The following PRKN variants were observed in gnomAD, a reference collection of about 807,000 sequenced individuals.
The protein encoded by PRKN is parkin RBR E3 ubiquitin protein ligase.
PRKN carries 56 observed loss-of-function variants against 59.5 expected under a neutral mutation model. The observed-to-expected ratio is 0.94, with a 90% CI of 0.76 to 1.18. The LOEUF (loss-of-function observed/expected upper bound fraction) is 1.18, where lower values mean the gene tolerates loss of function less well. Ranked by LOEUF, PRKN falls within the 50% of genes most tolerant of loss-of-function variation. PRKN has a pLI of 0.00. For synonymous variants in PRKN, 250 were observed against 222.1 expected (o/e 1.13, Z -1.12); for missense variants, 657 against 596.4 (o/e 1.10, Z -1.06).
At chr6:162,009,764 C>T (rs1339133952) in intron 5 of PRKN, among the ~76,000 whole-genome samples, 1 of 151,422 alleles carries the variant, frequency 6.6e-6, no homozygotes, top group Non-Finnish European at 1.5e-5. Flanking sequence ...AGCAAAACCC[C>T]ATCTCTACTA....
At chr6:162,554,614 G>C (rs935550417) in intron 1 of PRKN, among the ~76,000 whole-genome samples, 2 of 151,826 alleles carry the variant, frequency 1.3e-5, no homozygotes, top group African/African-American at 2.4e-5. Flanking sequence ...GAGGTTAACA[G>C]ATGACAGTGG....
chr6:162,357,524 T>C (rs750650061), intron 2 of PRKN, among the ~76,000 whole-genome samples: 2 of 152,186 alleles, frequency 1.3e-5, no homozygotes. Flanking sequence ...AAAAGAACTC[T>C]CATTCCTTCC....
At chr6:162,644,142 T>C (rs1437867198) in intron 1 of PRKN, among the ~76,000 whole-genome samples, 1 of 152,138 alleles carries the variant, frequency 6.6e-6, no homozygotes, top group African/African-American at 2.4e-5. Context: ...ACAAGTTGCC[T>C]GGAATCATAA....
At chr6:162,673,848 G>C (rs1779432220) in intron 1 of PRKN, among the ~76,000 whole-genome samples, 1 of 152,236 alleles carries the variant, frequency 6.6e-6, no homozygotes, top group Non-Finnish European at 1.5e-5. Flanking sequence ...GACTGCAAGT[G>C]TGGCGGAAGG....
chr6:162,712,292 T>C (rs1411329463), intron 1 of PRKN, among the ~76,000 whole-genome samples: 1 of 152,184 alleles, frequency 6.6e-6, no homozygotes, highest in Non-Finnish European at 1.5e-5. Context: ...TCCTGACTGC[T>C]CTTTTACCTG....
intron 4 of PRKN, among the ~76,000 whole-genome samples, chr6:162,153,447 C>A (rs146217625): frequency 1.3e-5 from 2 of 152,228 alleles, no homozygotes; most frequent in Non-Finnish European, 2.9e-5. Context: ...CTTAGGTCTG[C>A]TGTCAGCAGA....
chr6:162,248,057 A>G (rs1459731264), intron 3 of PRKN, among the ~76,000 whole-genome samples: 7 of 152,170 alleles, frequency 4.6e-5, no homozygotes, highest in Non-Finnish European at 7.4e-5. Flanking sequence ...GGCTCCCTGG[A>G]GAGAGGAGCT....
Position 161,700,269 on chromosome 6 carries a change from A to G in PRKN, c.871+85503T>C, listed in dbSNP as rs1786198794. Among the ~76,000 whole-genome samples the G allele has an allele frequency of 2.0e-5, 3 of 151,918 alleles. No homozygotes were observed. In the South Asian group the frequency reaches 6.2e-4, roughly 32 times the overall value. On this transcript the variant is annotated intron_variant, in intron 7 of 11. Coordinates refer to ENST00000366898, the MANE Select transcript of PRKN (RefSeq NM_004562.3). ...GGGGTCTTCTTATTAGAAGTTCTCT[A>G]TTTCTGGAAAACTTTCCTTCTAACC...
At chr6:162,427,791 G>C (rs939773389) in intron 2 of PRKN, among the ~76,000 whole-genome samples, 2 of 151,808 alleles carry the variant, frequency 1.3e-5, no homozygotes, top group Non-Finnish European at 2.9e-5. Flanking sequence ...GACTACAGGC[G>C]CCCCAGACCA....
chr6:161,637,569 T>C (rs375101761), intron 7 of PRKN, among the ~76,000 whole-genome samples: 23 of 152,214 alleles, frequency 1.5e-4, no homozygotes, highest in African/African-American at 5.5e-4. Context: ...GCCTTTCGTG[T>C]TTCTACAGAA....
At chr6:162,692,439 AT>A (rs1777812179) in intron 1 of PRKN, among the ~76,000 whole-genome samples, 1 of 152,146 alleles carries the variant, frequency 6.6e-6, no homozygotes, top group Admixed American at 6.5e-5. Flanking sequence ...TAACAATGTG[AT>A]TTATGGCAAA....
intron 6 of PRKN, among the ~76,000 whole-genome samples, chr6:161,886,554 G>C (rs1795154434): frequency 6.6e-6 from 1 of 152,030 alleles, no homozygotes; most frequent in African/African-American, 2.4e-5. Context: ...AAATTAGCCA[G>C]GCATGGTGGC....
intron 6 of PRKN, among the ~76,000 whole-genome samples, chr6:161,792,026 A>C (rs1790658878): frequency 6.6e-6 from 1 of 152,354 alleles, no homozygotes; most frequent in East Asian, 1.9e-4. Context: ...GGTGAAGTCC[A>C]TGTAGCAAGA....
intron 9 of PRKN, among the ~76,000 whole-genome samples, chr6:161,536,120 C>A (rs1779405242): frequency 1.3e-5 from 2 of 151,978 alleles, no homozygotes; most frequent in African/African-American, 4.8e-5. Context: ...TTCCTTTGGT[C>A]ATTATTAAGA....
intron 2 of PRKN, among the ~76,000 whole-genome samples, chr6:162,422,782 T>A (rs1025203447): frequency 6.6e-6 from 1 of 151,724 alleles, no homozygotes. Flanking sequence ...CTGTCTCTAC[T>A]AAAATACAAA....
At chr6:161,897,099 A>C (rs1317422565) in intron 6 of PRKN, among the ~76,000 whole-genome samples, 1 of 152,154 alleles carries the variant, frequency 6.6e-6, no homozygotes. Flanking sequence ...CACTGTCTCT[A>C]TCCCTTGGCC....
rs556807668 is a variant in PRKN at position 161,461,415 on chromosome 6, G to A, written c.1084-74538C>T. ...TTTAAGCTCTAGGGAATCACTTTAT[G>A]GGGGGTGTTATGAGCATATTTTATG... On this transcript the variant is annotated intron_variant, in intron 9 of 11. Coordinates refer to ENST00000366898, the MANE Select transcript of PRKN (RefSeq NM_004562.3). The surrounding 1 kb of genome is among the most constrained non-coding windows in gnomAD (Gnocchi z 5.1). 2.0e-5 allele frequency among the ~76,000 whole-genome samples: 3 copies of A among 152,106 alleles called. No homozygotes were observed. Among genetic ancestry groups the A allele is most frequent in the African/African-American group, 4.8e-5 (2 of 41,424 alleles).
intron 9 of PRKN, among the ~76,000 whole-genome samples, chr6:161,438,478 G>A (rs953339227): frequency 6.6e-6 from 1 of 151,906 alleles, no homozygotes; most frequent in Non-Finnish European, 1.5e-5. Context: ...AGCCTCCCAA[G>A]GTGCTGGGAT....
intron 7 of PRKN, among the ~76,000 whole-genome samples, chr6:161,626,948 C>G (rs996029641): frequency 6.6e-6 from 1 of 152,018 alleles, no homozygotes; most frequent in African/African-American, 2.4e-5. Flanking sequence ...ACTCACTTAT[C>G]TAGATCAGTT....
Sources: allele counts gnomAD v4.1 joint callset (sites outside exome capture counted in the v4.1 genomes callset), GRCh38; gene constraint gnomAD v4.1.1; non-coding constraint Gnocchi (gnomAD v3.1); transcripts MANE v1.5; gene names NCBI Gene and HGNC (gene_info 2026-07-23, HGNC 2026-07-21).